The following NUDT3 variants were observed in gnomAD, a reference collection of about 807,000 sequenced individuals.
NUDT3 encodes diphosphoinositol polyphosphate phosphohydrolase 1.
A neutral mutation model predicts 23.6 loss-of-function variants in NUDT3; 9 were observed. The ratio of observed to expected loss-of-function variants is 0.38; its 90% CI spans 0.23 to 0.66. NUDT3 has a LOEUF of 0.66. NUDT3 is among the 30% of genes least tolerant of loss of function. The pLI, the probability that NUDT3 is intolerant of heterozygous loss-of-function variation, is 0.52. For missense variants in NUDT3, 172 were observed against 218.5 expected (o/e 0.79, Z 1.34); for synonymous variants, 86 against 82.6 (o/e 1.04, Z -0.22).
At chr6:34,385,060 T>C (rs186474276) in intron 1 of NUDT3, among the ~76,000 whole-genome samples, 44 of 151,402 alleles carry the variant, frequency 2.9e-4, no homozygotes, top group African/African-American at 1.0e-3. Flanking sequence ...AAACAAGATC[T>C]TGGCCCTAAG....
intron 1 of NUDT3, among the ~76,000 whole-genome samples, chr6:34,350,014 G>C (rs1371779986): frequency 6.7e-6 from 1 of 150,210 alleles, no homozygotes; most frequent in Non-Finnish European, 1.5e-5. Context: ...GCGTGAATCC[G>C]GGGGGTGGAG....
intron 1 of NUDT3, among the ~76,000 whole-genome samples, chr6:34,379,012 T>C (rs1764970342): frequency 6.6e-6 from 1 of 152,160 alleles, no homozygotes; most frequent in African/African-American, 2.4e-5. Flanking sequence ...TGCCAAGACC[T>C]TCTCAGTCAT....
intron 1 of NUDT3, among the ~76,000 whole-genome samples, chr6:34,354,394 A>AAAAC (rs1554155557): frequency 1.5e-5 from 2 of 137,634 alleles, no homozygotes; most frequent in African/African-American, 2.8e-5. Context: ...GATTTCATTA[A>AAAAC]ACACACACAC....
chr6:34,299,600 AT>A (rs147548768), intron 2 of NUDT3, among the ~76,000 whole-genome samples: 13,430 of 137,018 alleles, frequency 0.098, 687 homozygotes, highest in Non-Finnish European at 0.13. Flanking sequence ...ATTTTCTTGA[AT>A]TTTTTTTTTT....
At chr6:34,389,263 A>G (rs2113774132) in intron 1 of NUDT3, among the ~76,000 whole-genome samples, 1 of 152,234 alleles carries the variant, frequency 6.6e-6, no homozygotes, top group Non-Finnish European at 1.5e-5. Flanking sequence ...TGCTCACGAA[A>G]TCCAATGGTT....
chr6:34,347,475 T>C (rs1322773183), intron 1 of NUDT3, among the ~76,000 whole-genome samples: 3 of 152,152 alleles, frequency 2.0e-5, no homozygotes, highest in South Asian at 2.1e-4. Context: ...ATTCATGATA[T>C]AGGTGGCTCT....
At chr6:34,300,316 T>C (rs1161217156) in intron 2 of NUDT3, among the ~76,000 whole-genome samples, 1 of 152,210 alleles carries the variant, frequency 6.6e-6, no homozygotes, top group East Asian at 1.9e-4. Flanking sequence ...AGTGGACATT[T>C]TGACCGACAA....
intron 2 of NUDT3, among the ~76,000 whole-genome samples, chr6:34,317,400 T>C (rs558182883): frequency 1.3e-5 from 2 of 149,652 alleles, no homozygotes; most frequent in Non-Finnish European, 3.0e-5. Flanking sequence ...AAGGAATAAA[T>C]GAGAAGCAGA....
intron 2 of NUDT3, among the ~76,000 whole-genome samples, chr6:34,339,357 T>G (rs1764255878): frequency 6.6e-6 from 1 of 152,146 alleles, no homozygotes; most frequent in Admixed American, 6.5e-5. Flanking sequence ...CAAACCACAG[T>G]CCATCCCTCA....
In NUDT3 at chr6:34,285,318, A is replaced by T. The variant is rs1254239123; in HGVS notation, c.*3435T>A. 2.0e-5 allele frequency: 3 copies of T among 152,368 alleles called. No individual in the cohort carries two copies. The highest frequency in any genetic ancestry group is 2.1e-4 in the South Asian group (1 of 4,826). The allele number at this position is 152,368 out of a possible 1,614,324, so 9.4% of individuals were successfully genotyped here. On this transcript the variant is annotated 3_prime_UTR_variant, in exon 5 of 5. Coordinates refer to ENST00000607016, the MANE Select transcript of NUDT3 (RefSeq NM_006703.4). ...GTAGCCCTTCTGTACATACACACAC[A>T]CACACCCAGAGAGAAGACAGAGAGA...
At chr6:34,344,808 C>A (rs576679267) in intron 1 of NUDT3, among the ~76,000 whole-genome samples, 3 of 149,044 alleles carry the variant, frequency 2.0e-5, no homozygotes, top group Non-Finnish European at 4.4e-5. Context: ...CCTGTCACCA[C>A]GCCCAGTTAA....
chr6:34,298,962 C>A (rs1228789868), intron 2 of NUDT3, among the ~76,000 whole-genome samples: 3 of 152,172 alleles, frequency 2.0e-5, no homozygotes, highest in Non-Finnish European at 4.4e-5. Context: ...AGTCATAGTG[C>A]TGACAAAAAA....
At chr6:34,341,486 C>G (rs1024101064) in intron 2 of NUDT3, among the ~76,000 whole-genome samples, 1 of 152,160 alleles carries the variant, frequency 6.6e-6, no homozygotes, top group Admixed American at 6.5e-5. Context: ...CACAGGAAAA[C>G]AAGGGCCTCC....
chr6:34,361,730 A>G (rs1764653248), intron 1 of NUDT3, among the ~76,000 whole-genome samples: 1 of 152,226 alleles, frequency 6.6e-6, no homozygotes. Flanking sequence ...AGGAAACTTT[A>G]ATGCATATTA....
Position 34,288,854 on chromosome 6 carries a change from A to C in NUDT3, c.418T>G (p.Phe140Val), listed in dbSNP as rs747842013. The C allele has an allele frequency of 6.2e-7, 1 of 1,614,140 alleles. No homozygotes were observed. The highest frequency in any genetic ancestry group is 8.5e-7 in the Non-Finnish European group (1 of 1,180,012). ...QYHKPVQASY[F>V]ETLRQGYSAN... ...GAGTAGCCTTGCCTCAATGTTTCAA[A>C]ATATGATGCCTGCACGGGTTTGTGA... Residue 140 changes from phenylalanine (F) to valine (V), a missense_variant, in exon 5 of 5, where the codon TTT (phenylalanine) becomes GTT (valine). This residue lies in a region of NUDT3 where 63 missense variants were observed against 64.9 expected (regional missense o/e 0.97). Transcript: ENST00000607016.
At chr6:34,336,706 C>A (rs1415549732) in intron 2 of NUDT3, among the ~76,000 whole-genome samples, 1 of 151,764 alleles carries the variant, frequency 6.6e-6, no homozygotes, top group Non-Finnish European at 1.5e-5. Context: ...GACTTTTTTT[C>A]ATTGAAGAGC....
In NUDT3 at chr6:34,280,391, T is replaced by C. The variant is rs1158567660; in HGVS notation, c.*8362A>G. The C allele has an allele frequency of 3.3e-5, 5 of 152,232 alleles. No individual in the cohort carries two copies. The highest frequency in any genetic ancestry group is 6.5e-5 in the Admixed American group (1 of 15,272). 9.4% of individuals were successfully genotyped at this position (152,232 alleles called of 1,614,324 possible). On this transcript the variant is annotated 3_prime_UTR_variant, in exon 5 of 5. Transcript: ENST00000607016. ...CAACACCATATAACCACAGGTTGGG[T>C]AGCTCCTAAATCCTGGACAGCATTT...
chr6:34,383,546 C>G (rs1326847936), intron 1 of NUDT3, among the ~76,000 whole-genome samples: 1 of 152,088 alleles, frequency 6.6e-6, no homozygotes, highest in Non-Finnish European at 1.5e-5. Flanking sequence ...TCCATGTATT[C>G]CCAAGGTCTT....
chr6:34,330,577 G>T (rs1764112216), intron 2 of NUDT3, among the ~76,000 whole-genome samples: 1 of 152,108 alleles, frequency 6.6e-6, no homozygotes, highest in African/African-American at 2.4e-5. Context: ...TGGACAGATT[G>T]CTTGAATTCA....
Sources: gnomAD v4.1 joint callset for allele counts (sites outside exome capture counted in the v4.1 genomes callset) on GRCh38, gnomAD v4.1.1 for gene constraint, gnomAD v4.1.1 regional missense constraint, MANE v1.5 for transcripts, NCBI Gene and HGNC (gene_info 2026-07-23, HGNC 2026-07-21) for gene names.